Variants in CSMD1 observed in about 807,000 individuals in gnomAD.
The protein encoded by CSMD1 is CUB and sushi domain-containing protein 1.
Under a neutral mutation model 417.5 loss-of-function variants are expected in CSMD1, and 213 were observed. That is an observed-to-expected ratio of 0.51 (90% CI 0.46 to 0.57). The LOEUF (loss-of-function observed/expected upper bound fraction) is 0.57, where lower values mean the gene tolerates loss of function less well. Ranked by LOEUF, CSMD1 falls within the 20% of genes least tolerant of loss-of-function variation. The pLI, the probability that CSMD1 is intolerant of heterozygous loss-of-function variation, is 0.00. For synonymous variants in CSMD1, 2,862 were observed against 1,736.8 expected (o/e 1.65, Z -16.11); for missense variants, 6,923 against 4,529.7 (o/e 1.53, Z -15.17).
chr8:4,066,507 C>A (rs555205001), intron 3 of CSMD1, among the ~76,000 whole-genome samples: 1 of 152,232 alleles, frequency 6.6e-6, no homozygotes, highest in South Asian at 2.1e-4. Context: ...TGATAGAAAA[C>A]AATTTGTATT....
intron 3 of CSMD1, among the ~76,000 whole-genome samples, chr8:4,342,917 C>A (rs1011838396): frequency 2.0e-5 from 3 of 151,978 alleles, no homozygotes; most frequent in African/African-American, 7.3e-5. Flanking sequence ...TAGAGAATTC[C>A]AAGATATGCT....
Position 3,400,445 on chromosome 8 carries a change from C to T in CSMD1, c.2267-916G>A, listed in dbSNP as rs376241030. On this transcript the variant is annotated intron_variant, in intron 15 of 69. Transcript: ENST00000635120. ...ATGTAAAAATGCAAAAAGTTTATAT[C>T]ATTTTAGCCATGTTTTGATGCTAGA... Among the ~76,000 whole-genome samples, 12 of 152,042 alleles carry T rather than the reference C, an allele frequency of 7.9e-5. No individual in the cohort carries two copies. In the East Asian group the frequency reaches 2.1e-3, roughly 27 times the overall value.
chr8:4,046,593 A>C (rs1054146839), intron 3 of CSMD1, among the ~76,000 whole-genome samples: 5 of 152,202 alleles, frequency 3.3e-5, no homozygotes, highest in Admixed American at 6.5e-5. Flanking sequence ...ATTTCTGAAG[A>C]CCTACTGTTG....
chr8:2,956,134 G>C (rs916951573), intron 63 of CSMD1, among the ~76,000 whole-genome samples: 1 of 151,850 alleles, frequency 6.6e-6, no homozygotes, highest in Non-Finnish European at 1.5e-5. Flanking sequence ...AAATAAATAT[G>C]TTAAAGATCC....
Position 3,042,697 on chromosome 8 carries a change from T to A in CSMD1, c.7660+9765A>T, listed in dbSNP as rs116192293. 6.8e-3 allele frequency among the ~76,000 whole-genome samples: 1,033 copies of A among 152,270 alleles called. 18 individuals carry two copies. Among genetic ancestry groups the A allele is most frequent in the African/African-American group, 0.024 (990 of 41,548 alleles). Reference sequence around the variant, plus strand: ...TATACTCTGGGCATGATAGCAGTACTTCATAGGTTTGTTATAAGAGCTCAG... The same window carrying A: ...TATACTCTGGGCATGATAGCAGTACATCATAGGTTTGTTATAAGAGCTCAG... On this transcript the variant is annotated intron_variant, in intron 50 of 69. Coordinates refer to ENST00000635120, the MANE Select transcript of CSMD1 (RefSeq NM_033225.6).
intron 1 of CSMD1, chr8:4,788,211 T>A (rs10503284): frequency 0.13 from 209,765 of 1,583,752 alleles, 15,089 homozygotes; most frequent in South Asian, 0.17. Context: ...TTGAGTAACA[T>A]CTGCGCATAA....
chr8:3,215,777 TAAATA>T (rs1394720464), intron 29 of CSMD1, among the ~76,000 whole-genome samples: 1 of 152,080 alleles, frequency 6.6e-6, no homozygotes, highest in Non-Finnish European at 1.5e-5. Context: ...TAGAAATAGA[TAAATA>T]TAATGGGAGA....
At chr8:3,991,115 G>A (rs1350675192) in intron 5 of CSMD1, among the ~76,000 whole-genome samples, 1 of 152,180 alleles carries the variant, frequency 6.6e-6, no homozygotes. Flanking sequence ...CGAGCCGAGA[G>A]AAAAGGTAGA....
At chr8:4,885,906 A>T (rs527937974) in intron 1 of CSMD1, among the ~76,000 whole-genome samples, 49 of 152,190 alleles carry the variant, frequency 3.2e-4, no homozygotes, top group Admixed American at 1.2e-3. Flanking sequence ...GCTGACAAAG[A>T]TTTATGCCTG....
chr8:3,075,125 A>C (rs936415672), intron 49 of CSMD1, among the ~76,000 whole-genome samples: 3 of 151,758 alleles, frequency 2.0e-5, no homozygotes, highest in African/African-American at 7.3e-5. Context: ...ATCCCCCTTC[A>C]CCTTCTGCCA....
At chr8:3,490,434 C>A (rs538255992) in intron 11 of CSMD1, among the ~76,000 whole-genome samples, 2 of 152,198 alleles carry the variant, frequency 1.3e-5, no homozygotes, top group East Asian at 1.9e-4. Context: ...TACCTGCCTG[C>A]ATTTATATTT....
rs1235753905 is a variant in CSMD1 at position 3,946,648 on chromosome 8, A to C, written c.818+51255T>G. On this transcript the variant is annotated intron_variant, in intron 5 of 69. Coordinates refer to ENST00000635120, the MANE Select transcript of CSMD1 (RefSeq NM_033225.6). ...CTACAGACCATCTACAGATGAATAA[A>C]CTTACATCTTGAAAGCCCTGCATCT... is the stretch of plus-strand genomic sequence containing the variant. Among the ~76,000 whole-genome samples the C allele has an allele frequency of 2.4e-4, 37 of 152,086 alleles. 1 individual carries two copies. Among genetic ancestry groups the C allele is most frequent in the Non-Finnish European group, 1.5e-5 (1 of 67,978 alleles).
chr8:4,285,400 G>A (rs117926769), intron 3 of CSMD1, among the ~76,000 whole-genome samples: 7 of 152,266 alleles, frequency 4.6e-5, no homozygotes, highest in South Asian at 2.1e-4. Context: ...TTGTGGCCAT[G>A]AATCTTGAAC....
chr8:3,411,259 T>A (rs1812682120), intron 12 of CSMD1, among the ~76,000 whole-genome samples: 1 of 152,094 alleles, frequency 6.6e-6, no homozygotes, highest in Admixed American at 6.6e-5. Context: ...AGTGCATTGG[T>A]TTTACTTTTA....
chr8:4,433,966 C>T (rs775390707), intron 2 of CSMD1, among the ~76,000 whole-genome samples: 2 of 152,090 alleles, frequency 1.3e-5, no homozygotes. Context: ...ACTGTGGGCT[C>T]CAGGAAGTGA....
chr8:3,092,900 C>G (rs1250883204), intron 47 of CSMD1, among the ~76,000 whole-genome samples: 1 of 135,614 alleles, frequency 7.4e-6, no homozygotes, highest in Non-Finnish European at 1.7e-5. Flanking sequence ...GAATGCAGCT[C>G]TCATTGTTGT....
chr8:4,061,959 T>C (rs1198192326), intron 3 of CSMD1, among the ~76,000 whole-genome samples: 1 of 152,124 alleles, frequency 6.6e-6, no homozygotes, highest in Admixed American at 6.5e-5. Context: ...CAGCATTATC[T>C]TAGTCAGGGG....
chr8:4,521,431 G>A (rs1803439298), intron 2 of CSMD1, among the ~76,000 whole-genome samples: 1 of 152,078 alleles, frequency 6.6e-6, no homozygotes, highest in Admixed American at 6.5e-5. Context: ...TATTTTTAAA[G>A]AATCATATAC....
intron 3 of CSMD1, among the ~76,000 whole-genome samples, chr8:4,318,323 C>T (rs981643428): frequency 2.6e-5 from 4 of 151,904 alleles, no homozygotes; most frequent in African/African-American, 9.7e-5. Flanking sequence ...AAATCTTTAC[C>T]ATTAGGTCAT....
Sources: gnomAD v4.1 joint callset for allele counts (sites outside exome capture counted in the v4.1 genomes callset) on GRCh38, gnomAD v4.1.1 for gene constraint, MANE v1.5 for transcripts, NCBI Gene and HGNC (gene_info 2026-07-23, HGNC 2026-07-21) for gene names.